GCN1: variants seen among roughly 807,000 people sequenced by gnomAD.
GCN1 encodes GCN1 activator of EIF2AK4.
In GCN1, 90 loss-of-function variants were observed where a neutral mutation model predicts 288.4. The ratio of observed to expected loss-of-function variants is 0.31; its 90% CI spans 0.26 to 0.37. GCN1 has a LOEUF of 0.37. Ranked by LOEUF, GCN1 falls within the 10% of genes least tolerant of loss-of-function variation. GCN1 has a pLI of 1.00. For synonymous variants in GCN1, 1,386 were observed against 1,420.2 expected (o/e 0.98, Z 0.54); for missense variants, 2,586 against 3,419.9 (o/e 0.76, Z 6.08).
chr12:120,158,333 A>G lies in GCN1; in HGVS notation c.2905+127T>C. The G allele has an allele frequency of 1.2e-6, 1 of 829,646 alleles. No individual in the cohort carries two copies. The highest frequency in any genetic ancestry group is 1.8e-6 in the Non-Finnish European group (1 of 544,176). 51.4% of individuals were successfully genotyped at this position (829,646 alleles called of 1,614,324 possible). A position where few individuals can be genotyped will look rare whatever the true frequency, so the allele number is the denominator to read the frequency against. ...GCAATTCACAGACTACGAAGGTTCA[A>G]TTCAGAAATCCTCCATATGGTCCAA... On this transcript the variant is annotated intron_variant, in intron 25 of 57. Transcript: ENST00000300648. The surrounding 1 kb of genome is among the most constrained non-coding windows in gnomAD (Gnocchi z 4.3).
rs1479631360 is a variant in GCN1 at position 120,174,121 on chromosome 12, A to C, written c.1142T>G (p.Val381Gly). ...CAGCTCAGCCACGATCCCATTCAGG[A>C]CCTGACTGGAAGGTCCAGACACCAC... ...HHVVSGPSSQ[V>G]LNGIVAELFI... Residue 381 changes from valine (V) to glycine (G), a missense_variant, in exon 13 of 58, where the codon GTC becomes GGC. Transcript: ENST00000300648. 6.2e-7 allele frequency: 1 copy of C among 1,609,450 alleles called. No individual in the cohort carries two copies. Among genetic ancestry groups the C allele is most frequent in the Admixed American group, 1.7e-5 (1 of 60,024 alleles).
At chr12:120,141,078 A>G (rs1310619582) in intron 44 of GCN1, 55 bp from the exon 45 acceptor site, 3 of 1,491,688 alleles carry the variant, frequency 2.0e-6, no homozygotes, top group Non-Finnish European at 2.8e-6. Context: ...CAGGGCACCC[A>G]GAGGAGGACT....
At chr12:120,135,959 T>G (rs1363816993) in intron 51 of GCN1, among the ~76,000 whole-genome samples, 2 of 150,976 alleles carry the variant, frequency 1.3e-5, no homozygotes, top group African/African-American at 5.0e-5. Context: ...GAGGTTGCAG[T>G]GAGCCGAGAT....
At chr12:120,132,215 G>A (rs1277975197) in intron 53 of GCN1, among the ~76,000 whole-genome samples, 193 bp from the exon 54 acceptor site, 3 of 152,214 alleles carry the variant, frequency 2.0e-5, no homozygotes, top group Non-Finnish European at 2.9e-5. Flanking sequence ...CTGGTATGGA[G>A]TTAAACATTA....
In GCN1 at chr12:120,145,068, G is replaced by T; in HGVS notation, c.5017-7C>A. 6.2e-7 allele frequency: 1 copy of T among 1,613,954 alleles called. No homozygotes were observed. Among genetic ancestry groups the T allele is most frequent in the Non-Finnish European group, 8.5e-7 (1 of 1,180,030 alleles). On this transcript the variant is annotated splice_polypyrimidine_tract_variant and splice_region_variant and intron_variant, in intron 39 of 57. Transcript: ENST00000300648. ...TTGCAGATACGGTCCGCACCTGTCA[G>T]GTAACCGAGAGCAGAGATGGTGTGA...
chr12:120,161,899 C>A lies in GCN1; in HGVS notation c.2323G>T (p.Asp775Tyr). ...TCTCACCTCTGAATGATGGATTTGT[C>A]ATACAGCTCCCCAGCAGGGGTCTGC... ...IMQTPAGELY[D>Y]KSIIQSAQQD... Residue 775 changes from aspartate (D) to tyrosine (Y), a missense_variant, in exon 21 of 58, where the codon GAC (aspartate) becomes TAC (tyrosine). Transcript: ENST00000300648. 6.2e-7 allele frequency: 1 copy of A among 1,614,076 alleles called. No homozygotes were observed. The highest frequency in any genetic ancestry group is 1.1e-5 in the South Asian group (1 of 91,044).
chr12:120,178,754 G>T lies in GCN1; in HGVS notation c.531C>A (p.Pro177=). ...CTGACAAGTACTGTTCCACCAGCCC[G>T]GGGTTCTGAAGAGGAAAGTGCCAGG... ...KKLTKLWKEN[P]GLVEQYLSAI... The change falls in exon 7 of 58, where the codon CCC becomes CCA. Residue 177 remains proline (P), a synonymous_variant. Coordinates refer to ENST00000300648, the MANE Select transcript of GCN1 (RefSeq NM_006836.2). The T allele has an allele frequency of 6.2e-7, 1 of 1,614,208 alleles. No individual in the cohort carries two copies. Among genetic ancestry groups the T allele is most frequent in the Non-Finnish European group, 8.5e-7 (1 of 1,180,018 alleles).
rs376932070 is a variant in GCN1, at chr12:120,137,266, G to T, written c.6717C>A (p.Ile2239=). ...CTTTGCTCTCGTTCCCTATGAGCCG[G>T]ATTTCCTTGTGCAGCTCTTCAATGA... ...LALIEELHKE[I]RLIGNESKGE... is the part of the protein sequence containing the mutation. The change falls in exon 50 of 58, where the codon ATC becomes ATA. Residue 2239 remains isoleucine (I), a synonymous_variant. Coordinates refer to ENST00000300648, the MANE Select transcript of GCN1 (RefSeq NM_006836.2). The surrounding 1 kb of genome is among the most constrained non-coding windows in gnomAD (Gnocchi z 5.2). The T allele has an allele frequency of 4.3e-6, 7 of 1,614,054 alleles. No homozygotes were observed. The highest frequency in any genetic ancestry group is 5.1e-6 in the Non-Finnish European group (6 of 1,180,028).
At chr12:120,192,354 C>A (rs1467069708) in intron 1 of GCN1, among the ~76,000 whole-genome samples, 1 of 152,188 alleles carries the variant, frequency 6.6e-6, no homozygotes, top group African/African-American at 2.4e-5. Context: ...AGCACAGCCT[C>A]CATTTTGTAA....
At position 120,153,189 on chromosome 12, in the gene GCN1, G is replaced by A. The variant is rs1401918276; in HGVS notation, c.4062+24C>T. 4.4e-6 allele frequency: 7 copies of A among 1,605,046 alleles called. No individual in the cohort carries two copies. In the South Asian group the frequency reaches 5.5e-5, roughly 13 times the overall value. On this transcript the variant is annotated intron_variant, in intron 33 of 57. Coordinates refer to ENST00000300648, the MANE Select transcript of GCN1 (RefSeq NM_006836.2). This position sits in a 1 kb window ranked among gnomAD's most constrained non-coding sequence, Gnocchi z 4.4. Reference sequence around the variant, plus strand: ...GTCCCAATTCTCTAACCGACATGTGGGTCCCAGGCCAGATGGCAGGTACCT... The same window carrying A: ...GTCCCAATTCTCTAACCGACATGTGAGTCCCAGGCCAGATGGCAGGTACCT...
chr12:120,191,876 T>C (rs1190795188), intron 1 of GCN1, among the ~76,000 whole-genome samples: 2 of 152,174 alleles, frequency 1.3e-5, no homozygotes, highest in African/African-American at 4.8e-5. Context: ...TGGAGGTAAC[T>C]TGCATGTGCT....
At chr12:120,136,476 T>C (rs1382364910) in intron 51 of GCN1, 26 bp downstream of exon 51, 3 of 1,550,510 alleles carry the variant, frequency 1.9e-6, no homozygotes, top group African/African-American at 2.7e-5. Flanking sequence ...TTCTCTAAGA[T>C]CTGAACAAAC....
At chr12:120,149,746 GGGGCCTCCTCAC>G (rs764990960) in intron 35 of GCN1, 26 bp from the exon 36 acceptor site, 3 of 1,591,058 alleles carry the variant, frequency 1.9e-6, no homozygotes, top group Non-Finnish European at 1.7e-6. Context: ...AACACATTCA[GGGGCCTCCTCAC>G]CCAAGCAAGG....
chr12:120,133,007 T>C (rs1253160777), intron 53 of GCN1, among the ~76,000 whole-genome samples: 1 of 152,252 alleles, frequency 6.6e-6, no homozygotes, highest in Non-Finnish European at 1.5e-5. Flanking sequence ...TACTAACTTT[T>C]GCTTGCACTG....
chr12:120,142,352 CA>C lies in GCN1; in HGVS notation c.5829+154del, dbSNP rs916699217. The stretch of plus-strand genomic sequence containing the variant: ...AAAAAATAAATAAAATAAAATTAAT[CA>C]AAAAATATTTGCAGAATGACTAAGT... On this transcript the variant is annotated intron_variant, in intron 44 of 57. Transcript: ENST00000300648. The surrounding 1 kb of genome is among the most constrained non-coding windows in gnomAD (Gnocchi z 4.9). 6.6e-6 allele frequency among the ~76,000 whole-genome samples: 1 copy of C among 152,006 alleles called. No individual in the cohort carries two copies. The highest frequency in any genetic ancestry group is 2.4e-5 in the African/African-American group (1 of 41,384).
chr12:120,179,258 G>A (rs946688537), intron 5 of GCN1, among the ~76,000 whole-genome samples: 1 of 151,752 alleles, frequency 6.6e-6, no homozygotes, highest in Non-Finnish European at 1.5e-5. Flanking sequence ...TTAAGACGGA[G>A]TCTCGCTCTG....
chr12:120,149,557 G>A, intron 36 of GCN1, 49 bp downstream of exon 36: 1 of 1,323,886 alleles, frequency 7.6e-7, no homozygotes, highest in Non-Finnish European at 1.1e-6. Context: ...TGCTGAGGCT[G>A]GTTTTCATAA....
chr12:120,174,561 G>C (rs1878416449), intron 12 of GCN1, among the ~76,000 whole-genome samples: 1 of 152,148 alleles, frequency 6.6e-6, no homozygotes, highest in Admixed American at 6.5e-5. Flanking sequence ...GGGAGGCTGA[G>C]GCAGGTGCAT....
chr12:120,171,675 A>G (rs1422748036), intron 14 of GCN1, among the ~76,000 whole-genome samples: 1 of 152,122 alleles, frequency 6.6e-6, no homozygotes, highest in Non-Finnish European at 1.5e-5. Flanking sequence ...TTTATTTTAT[A>G]TTATGTTTAT....
Sources: allele counts gnomAD v4.1 joint callset (sites outside exome capture counted in the v4.1 genomes callset), GRCh38; gene constraint gnomAD v4.1.1; non-coding constraint Gnocchi (gnomAD v3.1); transcripts MANE v1.5; gene names NCBI Gene and HGNC (gene_info 2026-07-23, HGNC 2026-07-21).